The following RBMX variants were observed in gnomAD, a reference collection of about 807,000 sequenced individuals.
RBMX encodes the protein RNA binding motif protein X-linked.
RBMX carries 1 observed loss-of-function variant against 29.3 expected under a neutral mutation model. The ratio of observed to expected loss-of-function variants is 0.03; its 90% CI spans 0.01 to 0.16. The LOEUF is 0.16. Among genes scored for constraint, RBMX ranks in the 10% least tolerant of loss-of-function variants. The probability of loss-of-function intolerance (pLI) is 1.00; values close to 1 mark genes in which losing one functional copy is unlikely to be tolerated. For missense variants in RBMX, 121 were observed against 333.2 expected (o/e 0.36, Z 4.96); for synonymous variants, 102 against 102.3 (o/e 1.00, Z 0.02).
At chrX:136,871,664 C>G (rs886762262), downstream of RBMX, among the ~76,000 whole-genome samples, 1 of 107,798 alleles carries the variant, frequency 9.3e-6, no homozygotes, top group Non-Finnish European at 1.9e-5. Flanking sequence ...TTTTTTTCCT[C>G]TTCTTGAGAC....
chrX:136,880,121 T>C (rs929463133), intron 1 of RBMX, among the ~76,000 whole-genome samples: 4 of 111,868 alleles, frequency 3.6e-5, no homozygotes, highest in African/African-American at 1.3e-4. Flanking sequence ...AAAAACCGCG[T>C]GTAAAAGACA....
chrX:136,879,767 C>T (rs2077778954), intron 1 of RBMX, among the ~76,000 whole-genome samples: 1 of 111,591 alleles, frequency 9.0e-6, no homozygotes, highest in Non-Finnish European at 1.9e-5. Context: ...GTCCTCTTGC[C>T]TTTGAAAGAT....
At chrX:136,875,623 GAAA>G (rs765131746) in intron 5 of RBMX, 38 bp from the exon 6 acceptor site, 8 of 1,183,803 alleles carry the variant, frequency 6.8e-6, no homozygotes, top group Admixed American at 2.5e-5. Flanking sequence ...CATAGCCAGA[GAAA>G]AAAGTTAAAA....
chrX:136,875,717 A>G (rs2077720671), intron 5 of RBMX, 132 bp from the exon 6 acceptor site: 1 of 883,323 alleles, frequency 1.1e-6, no homozygotes, highest in African/African-American at 2.0e-5. Flanking sequence ...ACCTAATTTT[A>G]TTTTCTACAA....
At chrX:136,871,926 T>C (rs2077687858), downstream of RBMX, among the ~76,000 whole-genome samples, 1 of 109,659 alleles carries the variant, frequency 9.1e-6, no homozygotes, top group Admixed American at 9.8e-5. Flanking sequence ...GTCCTGGGAT[T>C]AAAGGCACGA....
chrX:136,874,339 A>G lies in RBMX; in HGVS notation c.979T>C (p.Tyr327His), dbSNP rs1440774156. Residue 327 changes from tyrosine to histidine, a missense_variant, in exon 9 of 9, where the codon TAC (tyrosine) becomes CAC (histidine). By Grantham distance (83) the Tyr-to-His change is moderately conservative (BLOSUM62 2). Around this residue, in one of 2 missense-constraint regions of RBMX, gnomAD observed 114 missense variants for 260.0 expected, o/e 0.44. Coordinates refer to ENST00000320676, the MANE Select transcript of RBMX (RefSeq NM_002139.4). Reference sequence around the variant, plus strand: ...TAGAGATCACTTCGGCTGCTTGAGTAACTGTCTCGACTTCCACCATATCCG... The same window carrying G: ...TAGAGATCACTTCGGCTGCTTGAGTGACTGTCTCGACTTCCACCATATCCG... ...RDGYGGSRDS[Y>H]SSSRSDLYSS... 1 of 1,212,337 alleles carries G rather than the reference A, an allele frequency of 8.2e-7. No individual in the cohort carries two copies. The highest frequency in any genetic ancestry group is 1.1e-6 in the Non-Finnish European group (1 of 895,611).
downstream of RBMX, chrX:136,872,636 G>C (rs979802726): frequency 6.9e-6 from 2 of 287,960 alleles, no homozygotes; most frequent in East Asian, 6.6e-5. Context: ...GAAGGAATAA[G>C]TGCAGTATAA....
rs765121298 is a variant in RBMX, at chrX:136,875,392, CAA to C, written c.657-11_657-10del. On this transcript the variant is annotated splice_polypyrimidine_tract_variant and intron_variant, in intron 6 of 8. Coordinates refer to ENST00000320676, the MANE Select transcript of RBMX (RefSeq NM_002139.4). ...AATCTCTGCTTGAATAGCTACAAAG[CAA>C]AAGTTTTGGTTTATGCTTTTGATAA... is the stretch of plus-strand genomic sequence containing the variant. 5.0e-6 allele frequency: 6 copies of C among 1,205,930 alleles called. No individual in the cohort carries two copies. The East Asian group carries it at 8.9e-5, about 18-fold the overall frequency.
At chrX:136,871,443 CAAAA>C (rs113464554), downstream of RBMX, among the ~76,000 whole-genome samples, 1 of 58,243 alleles carries the variant, frequency 1.7e-5, no homozygotes, top group Non-Finnish European at 3.1e-5. Context: ...GACTCCGTCT[CAAAA>C]AAAAAAAAAA....
At chrX:136,869,698 A>C (rs919392032), downstream of RBMX, 2 of 109,149 alleles carry the variant, frequency 1.8e-5, no homozygotes, top group African/African-American at 6.9e-5. Context: ...TCCAAATAAG[A>C]CAGTGCCATA....
At chrX:136,878,168 C>T in intron 3 of RBMX, 82 bp from the exon 4 acceptor site, 3 of 854,000 alleles carry the variant, frequency 3.5e-6, no homozygotes, top group Non-Finnish European at 4.8e-6. Flanking sequence ...ACTAACTGGT[C>T]CTTCAAAATG....
intron 4 of RBMX, among the ~76,000 whole-genome samples, chrX:136,877,616 A>G (rs2077747872): frequency 9.1e-6 from 1 of 109,366 alleles, no homozygotes; most frequent in African/African-American, 3.3e-5. Flanking sequence ...ACGCCCAGCT[A>G]ACTTTAAAAA....
chrX:136,875,915 C>T (rs755650461), intron 5 of RBMX, among the ~76,000 whole-genome samples: 80 of 108,966 alleles, frequency 7.3e-4, no homozygotes, highest in Admixed American at 1.3e-3. Flanking sequence ...GATTCTCCTG[C>T]CTCAGCCTCC....
At chrX:136,870,831 A>G (rs1161237300), downstream of RBMX, among the ~76,000 whole-genome samples, 2 of 108,194 alleles carry the variant, frequency 1.8e-5, no homozygotes, top group African/African-American at 3.4e-5. Context: ...AGAAAGCCGC[A>G]TGCAGTGGCT....
chrX:136,875,263 T>C lies in RBMX; in HGVS notation c.777A>G (p.Gly259=). The C allele has an allele frequency of 8.3e-7, 1 of 1,211,314 alleles. No homozygotes were observed. The highest frequency in any genetic ancestry group is 1.1e-6 in the Non-Finnish European group (1 of 895,216). The part of the protein sequence containing the change: ...SSSRDDYPSR[G]YSDRDGYGRD... The stretch of plus-strand genomic sequence containing the variant: ...ACAGAAGCAAAGTCACTTACCTATA[T>C]CCTCTTGATGGATAGTCATCACGTG... Residue 259 remains glycine, a synonymous_variant, in exon 7 of 9, where the codon GGA becomes GGG. Transcript: ENST00000320676.
rs185633089 is a variant in RBMX, at chrX:136,875,598, T to C, written c.542-13A>G. Reference sequence around the variant, plus strand: ...CGTGATACAGGAGCTTAAGGAAAAATATCATTTTTTTAAACATAGCCAGAG... The same window carrying C: ...CGTGATACAGGAGCTTAAGGAAAAACATCATTTTTTTAAACATAGCCAGAG... On this transcript the variant is annotated splice_polypyrimidine_tract_variant and intron_variant, in intron 5 of 8. Transcript: ENST00000320676. 1.6e-4 allele frequency: 190 copies of C among 1,195,343 alleles called. 1 individual carries two copies. In the African/African-American group the frequency reaches 2.7e-3, roughly 17 times the overall value.
chrX:136,869,266 T>C (rs1223766082), downstream of RBMX: 1 of 112,675 alleles, frequency 8.9e-6, no homozygotes, highest in Non-Finnish European at 1.9e-5. Flanking sequence ...ATACCCAAGT[T>C]CTATGTTCAA....
downstream of RBMX, among the ~76,000 whole-genome samples, chrX:136,871,811 GTTTT>G (rs750533072): frequency 6.8e-3 from 509 of 74,922 alleles, 5 homozygotes; most frequent in African/African-American, 0.019. Context: ...CACGCCCGGT[GTTTT>G]TTTTTTTTTT....
In RBMX at chrX:136,873,634, C is replaced by T; in HGVS notation, c.*508G>A. 5 of 755,506 alleles carry T rather than the reference C, an allele frequency of 6.6e-6. No individual in the cohort carries two copies. Among genetic ancestry groups the T allele is most frequent in the Non-Finnish European group, 7.8e-6 (5 of 639,326 alleles). The allele number at this position is 755,506 out of a possible 1,213,427, so 62.3% of individuals were successfully genotyped here. ...TTTTGGGTTTACTGGGTGAATAGCA[C>T]TTTCCTTACATAGGCATGTGATTTC... On this transcript the variant is annotated 3_prime_UTR_variant, in exon 9 of 9. Coordinates refer to ENST00000320676, the MANE Select transcript of RBMX (RefSeq NM_002139.4).
Sources: allele counts gnomAD v4.1 joint callset (sites outside exome capture counted in the v4.1 genomes callset), GRCh38; gene constraint gnomAD v4.1.1; regional missense constraint gnomAD v4.1.1; transcripts MANE v1.5; gene names NCBI Gene and HGNC (gene_info 2026-07-23, HGNC 2026-07-21).